The following PCCB variants were observed in gnomAD, a reference collection of about 807,000 sequenced individuals.
PCCB encodes propionyl-CoA carboxylase subunit beta.
Under a neutral mutation model 60.7 loss-of-function variants are expected in PCCB, and 43 were observed. That is an observed-to-expected ratio of 0.71 (90% confidence interval 0.55 to 0.91). PCCB has a LOEUF of 0.91. PCCB is among the 40% of genes least tolerant of loss of function. The pLI, the probability that PCCB is intolerant of heterozygous loss-of-function variation, is 0.00. For synonymous variants in PCCB, 276 were observed against 255.9 expected (o/e 1.08, Z -0.75); for missense variants, 766 against 702.8 (o/e 1.09, Z -1.02).
intron 9 of PCCB, among the ~76,000 whole-genome samples, chr3:136,313,768 G>T (rs1426651083): frequency 1.3e-5 from 2 of 152,122 alleles, no homozygotes; most frequent in Non-Finnish European, 2.9e-5. Flanking sequence ...CAAAATAGCT[G>T]TAAAAAAATT....
At chr3:136,296,045 C>T (rs565213224) in intron 7 of PCCB, among the ~76,000 whole-genome samples, 3 of 152,154 alleles carry the variant, frequency 2.0e-5, no homozygotes, top group East Asian at 3.9e-4. Context: ...AAAGGTGCTC[C>T]GTACATATAT....
In PCCB at chr3:136,268,094, A is replaced by ATATATATATATG. The variant is rs1560002407; in HGVS notation, c.543+6040_543+6041insGTATATATATAT. On this transcript the variant is annotated intron_variant, in intron 5 of 14. Coordinates refer to ENST00000251654, the MANE Select transcript of PCCB (RefSeq NM_000532.5). ...TGTGTGTGTGTGTGTGTAGATATAT[A>ATATATATATATG]TATATATATATATATATATATATAT... 1.6e-3 allele frequency among the ~76,000 whole-genome samples: 102 copies of ATATATATATATG among 64,290 alleles called. 2 individuals carry two copies. The highest frequency in any genetic ancestry group is 6.5e-3 in the South Asian group (16 of 2,452). The allele number at this position is 64,290 out of a possible 152,430, so 42.2% of individuals were successfully genotyped here. A position where few individuals can be genotyped will look rare whatever the true frequency, so the allele number is the denominator to read the frequency against.
intron 10 of PCCB, among the ~76,000 whole-genome samples, chr3:136,323,179 T>C (rs1935169837): frequency 6.6e-6 from 1 of 152,170 alleles, no homozygotes; most frequent in South Asian, 2.1e-4. Flanking sequence ...TTCATCAGAT[T>C]ATCTCCTTGC....
At chr3:136,318,233 A>G (rs982797764) in intron 10 of PCCB, among the ~76,000 whole-genome samples, 2 of 152,148 alleles carry the variant, frequency 1.3e-5, no homozygotes, top group Non-Finnish European at 2.9e-5. Context: ...TAGTCCAGCT[A>G]CTTGGGAGGC....
intron 1 of PCCB, 94 bp downstream of exon 1, chr3:136,250,652 T>G: frequency 7.7e-7 from 1 of 1,292,460 alleles, no homozygotes; most frequent in Non-Finnish European, 1.1e-6. Flanking sequence ...TCCCTGCCAA[T>G]CCGCACGGTG....
At chr3:136,264,310 G>A (rs1425998597) in intron 5 of PCCB, among the ~76,000 whole-genome samples, 2 of 151,634 alleles carry the variant, frequency 1.3e-5, no homozygotes, top group Non-Finnish European at 2.9e-5. Context: ...TCGATTCATC[G>A]ATGTTATTCT....
intron 10 of PCCB, among the ~76,000 whole-genome samples, chr3:136,318,172 A>G (rs1007490785): frequency 1.3e-5 from 2 of 152,182 alleles, no homozygotes; most frequent in African/African-American, 4.8e-5. Flanking sequence ...CCCTGTCTCT[A>G]CTAAAAATAC....
chr3:136,278,983 T>C (rs1173215404), intron 5 of PCCB, among the ~76,000 whole-genome samples: 2 of 152,222 alleles, frequency 1.3e-5, no homozygotes, highest in Non-Finnish European at 2.9e-5. Flanking sequence ...TCATAGATTT[T>C]GGGGCTCTGT....
chr3:136,274,333 C>T (rs1025630050), intron 5 of PCCB, among the ~76,000 whole-genome samples: 9 of 152,038 alleles, frequency 5.9e-5, no homozygotes, highest in South Asian at 2.1e-4. Flanking sequence ...CAGATTCCCT[C>T]GGCATTTGTT....
chr3:136,323,701 C>T (rs1469735462), intron 10 of PCCB, among the ~76,000 whole-genome samples: 1 of 151,636 alleles, frequency 6.6e-6, no homozygotes, highest in Non-Finnish European at 1.5e-5. Flanking sequence ...AGGAGAATCA[C>T]ATGAACCTGG....
In PCCB at chr3:136,255,922, A is replaced by G. The variant is rs201950515; in HGVS notation, c.250A>G (p.Met84Val). 435 of 1,614,098 alleles carry G rather than the reference A, an allele frequency of 2.7e-4. No homozygotes were observed. Among genetic ancestry groups the G allele is most frequent in the Non-Finnish European group, 3.5e-4 (416 of 1,180,020 alleles). Residue 84 changes from methionine to valine, a missense_variant, in exon 2 of 15, where the codon ATG (methionine) becomes GTG (valine). By Grantham distance (21) the Met-to-Val change is conservative (BLOSUM62 1). Coordinates refer to ENST00000251654, the MANE Select transcript of PCCB (RefSeq NM_000532.5). ...CCCTGGCAGCTTTGTTGAGAGCGAC[A>G]TGTTTGTGGAACACAGATGTGCAGA... The part of the protein sequence containing the change: ...LDPGSFVESD[M>V]FVEHRCADFG...
At chr3:136,288,641 G>T (rs751931166) in intron 6 of PCCB, among the ~76,000 whole-genome samples, 2 of 149,934 alleles carry the variant, frequency 1.3e-5, no homozygotes, top group Non-Finnish European at 3.0e-5. Context: ...ACAGCACCTG[G>T]TCTATAAAAA....
At chr3:136,268,084 G>GTAGATATAGATATAGATA (rs869183040) in intron 5 of PCCB, among the ~76,000 whole-genome samples, 2 of 60,944 alleles carry the variant, frequency 3.3e-5, no homozygotes, top group African/African-American at 1.5e-4. Context: ...GTGTGTGTGT[G>GTAGATATAGATATAGATA]TAGATATATA....
In PCCB at chr3:136,256,566, C is replaced by T. The variant is rs759457910; in HGVS notation, c.315C>T (p.Asp105=). ...CATTTTTCTGGTAGTTTCCTGGAGA[C>T]AGCGTGGTCACTGGACGAGGCCGAA... The part of the protein sequence containing the change: ...MAADKNKFPG[D]SVVTGRGRIN... Residue 105 remains aspartate (D), a synonymous_variant, in exon 3 of 15, where the codon GAC becomes GAT. Coordinates refer to ENST00000251654, the MANE Select transcript of PCCB (RefSeq NM_000532.5). The T allele has an allele frequency of 1.2e-6, 2 of 1,612,150 alleles. No homozygotes were observed. Among genetic ancestry groups the T allele is most frequent in the Non-Finnish European group, 1.7e-6 (2 of 1,178,226 alleles).
intron 9 of PCCB, among the ~76,000 whole-genome samples, chr3:136,309,398 A>G (rs1934573551): frequency 6.6e-6 from 1 of 152,258 alleles, no homozygotes; most frequent in South Asian, 2.1e-4. Context: ...TGATGGAAAT[A>G]GAAGAATAGC....
At chr3:136,281,536 C>G (rs751774855) in intron 5 of PCCB, among the ~76,000 whole-genome samples, 3 of 151,990 alleles carry the variant, frequency 2.0e-5, no homozygotes, top group Non-Finnish European at 1.5e-5. Flanking sequence ...TTTTTTCCCC[C>G]CACAGCTTTC....
intron 5 of PCCB, among the ~76,000 whole-genome samples, chr3:136,274,549 T>G: frequency 6.6e-6 from 1 of 152,172 alleles, no homozygotes; most frequent in East Asian, 1.9e-4. Context: ...TCATAGCTCT[T>G]AGGATTCTTT....
At chr3:136,272,016 C>CTA (rs1209846339) in intron 5 of PCCB, among the ~76,000 whole-genome samples, 1 of 152,026 alleles carries the variant, frequency 6.6e-6, no homozygotes, top group Non-Finnish European at 1.5e-5. Context: ...ATTGCTTTTA[C>CTA]TATTTTGAAG....
intron 9 of PCCB, among the ~76,000 whole-genome samples, chr3:136,315,371 A>G (rs147797341): frequency 9.9e-4 from 151 of 152,178 alleles, no homozygotes; most frequent in Admixed American, 5.0e-3. Context: ...ATCTCTAAAA[A>G]TACAAAAAAA....
Sources: gnomAD v4.1 joint callset for allele counts (sites outside exome capture counted in the v4.1 genomes callset) on GRCh38, gnomAD v4.1.1 for gene constraint, MANE v1.5 for transcripts, NCBI Gene and HGNC (gene_info 2026-07-23, HGNC 2026-07-21) for gene names.